KCNMB2: variants seen among roughly 807,000 people sequenced by gnomAD.
KCNMB2 encodes the protein potassium calcium-activated channel subfamily M regulatory beta subunit 2.
In KCNMB2, 9 loss-of-function variants were observed where a neutral mutation model predicts 24.5. The observed-to-expected ratio is 0.37, with a 90% CI of 0.22 to 0.64. The LOEUF (loss-of-function observed/expected upper bound fraction) is 0.64, where lower values mean the gene tolerates loss of function less well. KCNMB2 is among the 30% of genes least tolerant of loss of function. The probability of loss-of-function intolerance (pLI) is 0.63; values close to 1 mark genes in which losing one functional copy is unlikely to be tolerated. For missense variants in KCNMB2, 226 were observed against 284.3 expected, an observed-to-expected ratio of 0.79 and a Z score of 1.47; for synonymous variants, 109 against 104.4, an observed-to-expected ratio of 1.04 and a Z score of -0.27.
At chr3:178,818,677 C>T (rs1468066590) in intron 2 of KCNMB2, among the ~76,000 whole-genome samples, 3 of 152,080 alleles carry the variant, frequency 2.0e-5, no homozygotes, top group Non-Finnish European at 4.4e-5. Context: ...AGAATCAGTC[C>T]CTTTGTCTCC....
At position 178,758,582 on chromosome 3, in the gene KCNMB2, A is replaced by C. The variant is rs1724331919; in HGVS notation, c.-67-48761A>C. ...AGGAGATATATATATATATATATATATATCCAAGAGGAGATATATATATCT... is the reference window on the plus strand; with the variant it reads ...AGGAGATATATATATATATATATATCTATCCAAGAGGAGATATATATATCT... On this transcript the variant is annotated intron_variant, in intron 1 of 4. Coordinates refer to ENST00000452583, the MANE Select transcript of KCNMB2 (RefSeq NM_181361.3). 3.4e-4 allele frequency among the ~76,000 whole-genome samples: 22 copies of C among 63,990 alleles called. 4 individuals are homozygous for C. The highest frequency in any genetic ancestry group is 7.2e-4 in the Non-Finnish European group (22 of 30,734). The allele number at this position is 63,990 out of a possible 152,430, so 42.0% of individuals were successfully genotyped here. A position where few individuals can be genotyped will look rare whatever the true frequency, so the allele number is the denominator to read the frequency against.
At chr3:178,837,598 G>A (rs1715280455) in intron 4 of KCNMB2, among the ~76,000 whole-genome samples, 1 of 152,140 alleles carries the variant, frequency 6.6e-6, no homozygotes, top group Non-Finnish European at 1.5e-5. Flanking sequence ...GACAAGATGA[G>A]AAAGAGCTAA....
At chr3:178,689,537 GA>G (rs1402115002) in intron 1 of KCNMB2, among the ~76,000 whole-genome samples, 1 of 152,154 alleles carries the variant, frequency 6.6e-6, no homozygotes, top group Non-Finnish European at 1.5e-5. Flanking sequence ...TCAGGAGGCT[GA>G]GGCAAGAGAA....
chr3:178,674,939 C>T (rs1397694885), intron 1 of KCNMB2, among the ~76,000 whole-genome samples: 4 of 152,214 alleles, frequency 2.6e-5, no homozygotes, highest in East Asian at 1.9e-4. Context: ...GTGGTTCCCT[C>T]TCAAATTCTC....
At chr3:178,701,771 G>C (rs141981506) in intron 1 of KCNMB2, among the ~76,000 whole-genome samples, 40,226 of 152,030 alleles carry the variant, frequency 0.26, 5,952 homozygotes, top group African/African-American at 0.41. Context: ...GGAAACAACA[G>C]GTGCTGGAGA....
At chr3:178,638,654 T>C (rs1386034689) in intron 1 of KCNMB2, among the ~76,000 whole-genome samples, 3 of 152,200 alleles carry the variant, frequency 2.0e-5, no homozygotes, top group Admixed American at 1.3e-4. Context: ...GTGTCTTGTA[T>C]ATATTTTGGC....
intron 4 of KCNMB2, among the ~76,000 whole-genome samples, chr3:178,838,175 C>T (rs531927709): frequency 1.3e-5 from 2 of 152,246 alleles, no homozygotes; most frequent in African/African-American, 4.8e-5. Context: ...TGAAGATGTC[C>T]ATTTTTGAAG....
chr3:178,539,619 T>C (rs1715546099), intron 1 of KCNMB2, among the ~76,000 whole-genome samples: 1 of 152,140 alleles, frequency 6.6e-6, no homozygotes, highest in African/African-American at 2.4e-5. Context: ...CAAATCCTCT[T>C]CATCCTTAGG....
chr3:178,665,308 T>A (rs1442521104), intron 1 of KCNMB2, among the ~76,000 whole-genome samples: 1 of 152,166 alleles, frequency 6.6e-6, no homozygotes, highest in Non-Finnish European at 1.5e-5. Flanking sequence ...ATTTCAACAA[T>A]TTTTGCTTTC....
At chr3:178,568,100 G>A (rs771066702) in intron 1 of KCNMB2, among the ~76,000 whole-genome samples, 6 of 151,978 alleles carry the variant, frequency 3.9e-5, no homozygotes, top group Non-Finnish European at 7.4e-5. Context: ...CATGTAAAGA[G>A]GTAATTTTTA....
At chr3:178,829,801 T>C (rs1714986316) in intron 4 of KCNMB2, among the ~76,000 whole-genome samples, 1 of 152,174 alleles carries the variant, frequency 6.6e-6, no homozygotes, top group Admixed American at 6.5e-5. Flanking sequence ...AAGCTACCAA[T>C]AAATGTCCCA....
At chr3:178,838,017 T>C (rs1456616840) in intron 4 of KCNMB2, among the ~76,000 whole-genome samples, 1 of 152,210 alleles carries the variant, frequency 6.6e-6, no homozygotes, top group Non-Finnish European at 1.5e-5. Flanking sequence ...TAAACTATCT[T>C]GGCACAAAAA....
At chr3:178,624,955 G>T (rs965353553) in intron 1 of KCNMB2, among the ~76,000 whole-genome samples, 3 of 152,142 alleles carry the variant, frequency 2.0e-5, no homozygotes, top group African/African-American at 7.2e-5. Flanking sequence ...GCTTAGCGCA[G>T]GGCAGGGGAG....
At chr3:178,661,546 T>C (rs146327649) in intron 1 of KCNMB2, among the ~76,000 whole-genome samples, 2 of 152,176 alleles carry the variant, frequency 1.3e-5, no homozygotes. Context: ...ATATAGACAG[T>C]AGATAAACAA....
At chr3:178,600,138 A>G (rs148334758) in intron 1 of KCNMB2, among the ~76,000 whole-genome samples, 1,899 of 152,288 alleles carry the variant, frequency 0.012, 20 homozygotes, top group Admixed American at 0.026. Flanking sequence ...TCGGCCTCCC[A>G]AAGTGCTAGG....
At chr3:178,749,574 C>A (rs1577147207) in intron 1 of KCNMB2, among the ~76,000 whole-genome samples, 1 of 152,340 alleles carries the variant, frequency 6.6e-6, no homozygotes, top group East Asian at 1.9e-4. Context: ...GCCATCTGCT[C>A]ATTTCGTATC....
At chr3:178,783,145 A>T (rs923265371) in intron 1 of KCNMB2, among the ~76,000 whole-genome samples, 1 of 151,960 alleles carries the variant, frequency 6.6e-6, no homozygotes, top group African/African-American at 2.4e-5. Context: ...TGTTCCACTG[A>T]TCTATATCTC....
chr3:178,840,289 C>T (rs577955386), intron 4 of KCNMB2, among the ~76,000 whole-genome samples: 4 of 152,308 alleles, frequency 2.6e-5, no homozygotes, highest in Admixed American at 6.5e-5. Context: ...TGTGGTTCTG[C>T]AGGATACAGC....
At chr3:178,576,670 C>A (rs1475493370) in intron 1 of KCNMB2, among the ~76,000 whole-genome samples, 4 of 152,172 alleles carry the variant, frequency 2.6e-5, no homozygotes, top group Non-Finnish European at 5.9e-5. Flanking sequence ...GGGGCATCCA[C>A]CATTACCAAG....
Sources: allele counts gnomAD v4.1 joint callset (sites outside exome capture counted in the v4.1 genomes callset), GRCh38; gene constraint gnomAD v4.1.1; transcripts MANE v1.5; gene names NCBI Gene and HGNC (gene_info 2026-07-23, HGNC 2026-07-21).